SERF2: variants seen among roughly 807,000 people sequenced by gnomAD.
SERF2 encodes the protein small EDRK-rich factor 2, also known as gastric cancer-related protein VRG107.
SERF2 carries 4 observed loss-of-function variants against 10.7 expected under a neutral mutation model. The observed-to-expected ratio is 0.37, with a 90% CI of 0.18 to 0.86. The LOEUF is 0.86. Ranked by LOEUF, SERF2 falls within the 40% of genes least tolerant of loss-of-function variation. SERF2 has a pLI of 0.43. For missense variants in SERF2, 47 were observed against 79.1 expected (o/e 0.59, Z 1.54); for synonymous variants, 26 against 26.0 (o/e 1.00, Z 0.01).
intron 1 of SERF2, among the ~76,000 whole-genome samples, chr15:43,783,190 T>G (rs2086978517): frequency 1.3e-5 from 2 of 151,974 alleles, no homozygotes; most frequent in Non-Finnish European, 2.9e-5. Context: ...ATATTTTTAG[T>G]AGAGACAGGG....
chr15:43,786,346 C>T (rs988216372), intron 2 of SERF2, among the ~76,000 whole-genome samples: 5 of 142,300 alleles, frequency 3.5e-5, no homozygotes, highest in South Asian at 2.3e-4. Flanking sequence ...GCCCAGGAGG[C>T]GGAGCTTGCA....
At chr15:43,783,472 A>G (rs939513183) in intron 1 of SERF2, among the ~76,000 whole-genome samples, 2 of 140,712 alleles carry the variant, frequency 1.4e-5, no homozygotes, top group East Asian at 2.2e-4. Context: ...TAATTTTTGT[A>G]TATTCTTTTA....
intron 1 of SERF2, among the ~76,000 whole-genome samples, chr15:43,783,121 C>T (rs2086977948): frequency 6.6e-6 from 1 of 151,884 alleles, no homozygotes; most frequent in Non-Finnish European, 1.5e-5. Flanking sequence ...CACTCTCCTG[C>T]CTCAGCCTCC....
Position 43,795,360 on chromosome 15 carries a change from A to G in SERF2, c.*1587A>G. 1.2e-6 allele frequency: 2 copies of G among 1,613,214 alleles called. No individual in the cohort carries two copies. Among genetic ancestry groups the G allele is most frequent in the Non-Finnish European group, 1.7e-6 (2 of 1,179,220 alleles). ...TCCTTAAAATAGCTAGCTCTTCAGG[A>G]GAGTATCTAAGGCCCACTCCATCTT... On this transcript the variant is annotated 3_prime_UTR_variant, in exon 3 of 3. Transcript: ENST00000249786.
rs374113255 is a variant in SERF2, at chr15:43,795,140, A to T, written c.*1367A>T. On this transcript the variant is annotated 3_prime_UTR_variant, in exon 3 of 3. Transcript: ENST00000249786. ...AGATAGAGGAGTACGCAGGCCCAGC[A>T]TGAGGCAACCTTGACCCAGAAGGTG... is the stretch of plus-strand genomic sequence containing the variant. 1.2e-5 allele frequency: 19 copies of T among 1,614,036 alleles called. No individual in the cohort carries two copies. The African/African-American group carries it at 2.3e-4, about 19-fold the overall frequency.
At chr15:43,778,581 CAAAAAAAAAAAAAAAAAAAA>C (rs145368177) in intron 1 of SERF2, among the ~76,000 whole-genome samples, 5 of 28,956 alleles carry the variant, frequency 1.7e-4, no homozygotes, top group East Asian at 1.6e-3. Context: ...GATTCCATCT[CAAAAAAAAAAAAAAAAAAAA>C]AAAAAAAAAA....
Position 43,794,981 on chromosome 15 carries a change from C to A in SERF2, c.*1208C>A, listed in dbSNP as rs1163228985. The A allele has an allele frequency of 6.3e-7, 1 of 1,589,374 alleles. No individual in the cohort carries two copies. The highest frequency in any genetic ancestry group is 8.6e-7 in the Non-Finnish European group (1 of 1,165,658). On this transcript the variant is annotated 3_prime_UTR_variant, in exon 3 of 3. Coordinates refer to ENST00000249786, the MANE Select transcript of SERF2 (RefSeq NM_001018108.4). ...TCTAGGAGTACAATGTCAGGGGAAC[C>A]CCAGTTTGTGAAAAGGACTTAGACT...
chr15:43,791,676 A>G (rs1056262930), upstream of SERF2, among the ~76,000 whole-genome samples: 1 of 152,218 alleles, frequency 6.6e-6, no homozygotes, highest in African/African-American at 2.4e-5. Flanking sequence ...GAGTCCTCCA[A>G]TACTTCCAAG....
chr15:43,792,355 G>T lies in SERF2; in HGVS notation c.-22G>T. ...AGAACGAGGGGACGTAACGGAGGCAGGTTGGAGCCGCTGCCGTCGCCATGA... is the reference window on the plus strand; with the variant it reads ...AGAACGAGGGGACGTAACGGAGGCATGTTGGAGCCGCTGCCGTCGCCATGA... On this transcript the variant is annotated 5_prime_UTR_variant, in exon 1 of 3. In the 5' UTR this introduces an upstream ATG that the reference lacks. Transcript: ENST00000249786. The T allele has an allele frequency of 6.3e-7, 1 of 1,596,564 alleles. No homozygotes were observed. Among genetic ancestry groups the T allele is most frequent in the Non-Finnish European group, 8.6e-7 (1 of 1,164,060 alleles).
chr15:43,786,286 G>A (rs1472440227), intron 2 of SERF2, among the ~76,000 whole-genome samples: 2 of 151,596 alleles, frequency 1.3e-5, no homozygotes, highest in Admixed American at 6.6e-5. Context: ...GTGGTGGCGG[G>A]TGCCTGTAGT....
chr15:43,792,253 C>A (rs941669467), upstream of SERF2: 4 of 860,004 alleles, frequency 4.7e-6, no homozygotes, highest in Admixed American at 3.7e-5. Context: ...GGAGCCGGCT[C>A]CCGGGCGCGA....
rs1596044904 is a variant in SERF2 at position 43,795,295 on chromosome 15, G to A, written c.*1522G>A. The A allele has an allele frequency of 1.3e-6, 2 of 1,576,692 alleles. No homozygotes were observed. Among genetic ancestry groups the A allele is most frequent in the Admixed American group, 3.4e-5 (2 of 59,660 alleles). On this transcript the variant is annotated 3_prime_UTR_variant, in exon 3 of 3. Coordinates refer to ENST00000249786, the MANE Select transcript of SERF2 (RefSeq NM_001018108.4). ...TTCTACCTCCTCACCAAATATAATG[G>A]CAGACCCATGTGTGTCTGGAATGGC...
In SERF2 at chr15:43,795,636, T is replaced by A; in HGVS notation, c.*1863T>A. The A allele has an allele frequency of 6.2e-7, 1 of 1,610,972 alleles. No individual in the cohort carries two copies. Among genetic ancestry groups the A allele is most frequent in the South Asian group, 1.1e-5 (1 of 90,940 alleles). On this transcript the variant is annotated 3_prime_UTR_variant, in exon 3 of 3. Coordinates refer to ENST00000249786, the MANE Select transcript of SERF2 (RefSeq NM_001018108.4). Reference sequence around the variant, plus strand: ...TTGTTAAGGCTCTTGAGGGTTCTTATGGCACTCCACAGAGATCTACCACTT... The same window carrying A: ...TTGTTAAGGCTCTTGAGGGTTCTTAAGGCACTCCACAGAGATCTACCACTT...
intron 1 of SERF2, among the ~76,000 whole-genome samples, chr15:43,783,008 C>CTTTT (rs61152230): frequency 2.0e-5 from 2 of 99,818 alleles, no homozygotes; most frequent in African/African-American, 4.4e-5. Flanking sequence ...CCACACCTGG[C>CTTTT]TTTTTTTTTT....
chr15:43,793,284 C>T, intron 2 of SERF2: 2 of 571,024 alleles, frequency 3.5e-6, no homozygotes, highest in Non-Finnish European at 6.2e-6. Flanking sequence ...GGGGCGGGCG[C>T]CTGCCCTCAG....
At chr15:43,783,648 G>A (rs1567164284) in intron 1 of SERF2, among the ~76,000 whole-genome samples, 1 of 151,892 alleles carries the variant, frequency 6.6e-6, no homozygotes. Context: ...TGCCCAGGCT[G>A]GAGTGCAGTG....
chr15:43,795,992 T>C lies in SERF2; in HGVS notation c.*2219T>C. The C allele has an allele frequency of 3.0e-6, 2 of 661,844 alleles. No homozygotes were observed. The highest frequency in any genetic ancestry group is 5.4e-6 in the Non-Finnish European group (2 of 372,804). The allele number at this position is 661,844 out of a possible 1,614,324, so 41.0% of individuals were successfully genotyped here. On this transcript the variant is annotated 3_prime_UTR_variant, in exon 3 of 3. Transcript: ENST00000249786. ...GTTGTGAGGGTTAAATTAAATGAGA[T>C]TATGTAAAAGTATCTAGCACAGTTG...
At chr15:43,779,937 A>C (rs568745886) in intron 1 of SERF2, among the ~76,000 whole-genome samples, 1 of 152,204 alleles carries the variant, frequency 6.6e-6, no homozygotes, top group Non-Finnish European at 1.5e-5. Flanking sequence ...TTTACATTAC[A>C]AGTGTTGAAG....
At chr15:43,790,538 C>T (rs1012444192), upstream of SERF2, among the ~76,000 whole-genome samples, 1 of 151,370 alleles carries the variant, frequency 6.6e-6, no homozygotes, top group Non-Finnish European at 1.5e-5. Flanking sequence ...CCAAGGAGGG[C>T]GGATCACCTG....
Sources: allele counts gnomAD v4.1 joint callset (sites outside exome capture counted in the v4.1 genomes callset), GRCh38; gene constraint gnomAD v4.1.1; transcripts MANE v1.5; gene names NCBI Gene and HGNC (gene_info 2026-07-23, HGNC 2026-07-21).